Variants in WWOX observed in about 807,000 individuals in gnomAD.
WWOX encodes the protein WW domain-containing oxidoreductase.
Under a neutral mutation model 46.2 loss-of-function variants are expected in WWOX, and 69 were observed. That is an observed-to-expected ratio of 1.49 (90% CI 1.23 to 1.82). The LOEUF (loss-of-function observed/expected upper bound fraction) is 1.82, where lower values mean the gene tolerates loss of function less well. Among genes scored for constraint, WWOX ranks in the 40% most tolerant of loss-of-function variants. The pLI is 0.00. For synonymous variants in WWOX, 359 were observed against 202.6 expected, an observed-to-expected ratio of 1.77 and a Z score of -6.56; for missense variants, 919 against 542.6, an observed-to-expected ratio of 1.69 and a Z score of -6.89.
chr16:78,766,692 G>A (rs1273463798), intron 8 of WWOX, among the ~76,000 whole-genome samples: 3 of 152,168 alleles, frequency 2.0e-5, no homozygotes, highest in Non-Finnish European at 4.4e-5. Flanking sequence ...AGACTTGTTT[G>A]AAAAAAGGGC....
At chr16:78,401,024 T>C (rs1381245983) in intron 6 of WWOX, among the ~76,000 whole-genome samples, 2 of 152,278 alleles carry the variant, frequency 1.3e-5, no homozygotes, top group East Asian at 3.9e-4. Flanking sequence ...CTCCTTGTGT[T>C]GTCCAGGCTG....
At chr16:78,812,156 G>A (rs1273536192) in intron 8 of WWOX, among the ~76,000 whole-genome samples, 1 of 151,966 alleles carries the variant, frequency 6.6e-6, no homozygotes, top group East Asian at 1.9e-4. Context: ...GCATGGCAAT[G>A]CATAGGAACT....
chr16:78,426,996 T>C (rs1004680550), intron 7 of WWOX, among the ~76,000 whole-genome samples: 1 of 152,198 alleles, frequency 6.6e-6, no homozygotes, highest in Non-Finnish European at 1.5e-5. Flanking sequence ...TTTAACAAAA[T>C]GGCAATTTCC....
At chr16:78,884,000 C>T (rs2044398613) in intron 8 of WWOX, among the ~76,000 whole-genome samples, 1 of 152,020 alleles carries the variant, frequency 6.6e-6, no homozygotes, top group Non-Finnish European at 1.5e-5. Context: ...CACTTCTGGC[C>T]AGGCGTGGTG....
At chr16:78,147,693 TTTTA>T (rs1275828099) in intron 4 of WWOX, among the ~76,000 whole-genome samples, 6 of 108,976 alleles carry the variant, frequency 5.5e-5, no homozygotes, top group Admixed American at 1.0e-4. Context: ...TTTTTTTTTT[TTTTA>T]AAAAAAAAAA....
chr16:78,173,871 G>A (rs1172732108), intron 5 of WWOX, among the ~76,000 whole-genome samples: 1 of 152,146 alleles, frequency 6.6e-6, no homozygotes, highest in Non-Finnish European at 1.5e-5. Flanking sequence ...TGCCAACCTT[G>A]TTGAGTTCTT....
rs201758464 is a variant in WWOX at position 78,624,206 on chromosome 16, CTT to C, written c.1056+191469_1056+191470del. Among the ~76,000 whole-genome samples, 779 of 134,772 alleles carry C rather than the reference CTT, an allele frequency of 5.8e-3. 4 individuals are homozygous for C. Among genetic ancestry groups the C allele is most frequent in the African/African-American group, 0.016 (582 of 36,490 alleles). 88.4% of individuals were successfully genotyped at this position (134,772 alleles called of 152,430 possible). A position where few individuals can be genotyped will look rare whatever the true frequency, so the allele number is the denominator to read the frequency against. ...TTGTTTTATTTATTTATTTTCTAATCTTTTTTTTTTTTTTTTCGTGGAATCAT... is the reference window on the plus strand; with the variant it reads ...TTGTTTTATTTATTTATTTTCTAATCTTTTTTTTTTTTTTCGTGGAATCAT... On this transcript the variant is annotated intron_variant, in intron 8 of 8. Coordinates refer to ENST00000566780, the MANE Select transcript of WWOX (RefSeq NM_016373.4).
At chr16:78,632,700 AGG>A (rs1207445533) in intron 8 of WWOX, among the ~76,000 whole-genome samples, 30 of 151,370 alleles carry the variant, frequency 2.0e-4, no homozygotes, top group African/African-American at 7.0e-4. Flanking sequence ...CTGGGATTAC[AGG>A]TGTGCGCCAC....
intron 8 of WWOX, among the ~76,000 whole-genome samples, chr16:78,594,830 T>C (rs1433842676): frequency 1.3e-5 from 2 of 152,252 alleles, no homozygotes; most frequent in South Asian, 4.1e-4. Flanking sequence ...TAAAGCAATT[T>C]CATTTTCATA....
chr16:79,084,457 G>T (rs1434171781), intron 8 of WWOX, among the ~76,000 whole-genome samples: 2 of 152,090 alleles, frequency 1.3e-5, no homozygotes, highest in East Asian at 3.9e-4. Context: ...GTCTCGCTCT[G>T]TTGCCCAGGG....
rs563806521 is a variant in WWOX at position 78,980,036 on chromosome 16, G to A, written c.1057-231572G>A. Among the ~76,000 whole-genome samples the A allele has an allele frequency of 9.9e-5, 15 of 152,238 alleles. 1 individual carries two copies. In the South Asian group the frequency reaches 3.1e-3, roughly 32 times the overall value. Reference sequence around the variant, plus strand: ...CCAGCTGCTTGGGAAGCTGAGGCAGGAGAATCACTTGAACTCAGAAGGCCA... The same window carrying A: ...CCAGCTGCTTGGGAAGCTGAGGCAGAAGAATCACTTGAACTCAGAAGGCCA... On this transcript the variant is annotated intron_variant, in intron 8 of 8. Transcript: ENST00000566780.
chr16:78,857,419 G>C (rs1223266496), intron 8 of WWOX, among the ~76,000 whole-genome samples: 2 of 152,138 alleles, frequency 1.3e-5, no homozygotes, highest in African/African-American at 4.8e-5. Context: ...TCCTGAATCT[G>C]GTCTGGAATA....
chr16:78,624,577 G>C (rs577571825), intron 8 of WWOX, among the ~76,000 whole-genome samples: 1 of 152,178 alleles, frequency 6.6e-6, no homozygotes, highest in African/African-American at 2.4e-5. Context: ...TAATCTAATA[G>C]CATACTGAAC....
chr16:78,930,524 C>G (rs888079240), intron 8 of WWOX, among the ~76,000 whole-genome samples: 2 of 146,406 alleles, frequency 1.4e-5, no homozygotes, highest in South Asian at 2.2e-4. Context: ...CTCCTAGCCT[C>G]AAGTGATCCG....
chr16:79,088,510 G>A (rs867670537), intron 8 of WWOX, among the ~76,000 whole-genome samples: 5 of 152,206 alleles, frequency 3.3e-5, no homozygotes, highest in Admixed American at 6.5e-5. Context: ...TATCTGGGCC[G>A]CTGCAAATAT....
intron 8 of WWOX, among the ~76,000 whole-genome samples, chr16:78,938,312 G>C (rs772947299): frequency 1.5e-4 from 23 of 152,198 alleles, no homozygotes; most frequent in Non-Finnish European, 2.8e-4. Context: ...CTAGGGTGTG[G>C]ACCATCCTTC....
Position 78,568,263 on chromosome 16 carries a change from G to A in WWOX, c.1056+135511G>A, listed in dbSNP as rs189983778. On this transcript the variant is annotated intron_variant, in intron 8 of 8. Coordinates refer to ENST00000566780, the MANE Select transcript of WWOX (RefSeq NM_016373.4). ...CCATTTTAGAAAATATATGAGGTAC[G>A]GGATGAAGATGAGGGAGGAAAATGG... Among the ~76,000 whole-genome samples, 74 of 151,938 alleles carry A rather than the reference G, an allele frequency of 4.9e-4. 1 individual carries two copies. The highest frequency in any genetic ancestry group is 9.1e-4 in the Non-Finnish European group (62 of 67,986).
chr16:78,862,092 G>T (rs2043897687), intron 8 of WWOX, among the ~76,000 whole-genome samples: 1 of 151,792 alleles, frequency 6.6e-6, no homozygotes, highest in Non-Finnish European at 1.5e-5. Context: ...ACCTACGGGT[G>T]TGTCTGTATC....
chr16:79,074,686 T>A (rs2048621116), intron 8 of WWOX, among the ~76,000 whole-genome samples: 1 of 152,018 alleles, frequency 6.6e-6, no homozygotes, highest in Admixed American at 6.5e-5. Flanking sequence ...TATAGTAAGT[T>A]GATCAGCATA....
Sources: gnomAD v4.1 joint callset for allele counts (sites outside exome capture counted in the v4.1 genomes callset) on GRCh38, gnomAD v4.1.1 for gene constraint, MANE v1.5 for transcripts, NCBI Gene and HGNC (gene_info 2026-07-23, HGNC 2026-07-21) for gene names.